The following DACH2 variants were observed in gnomAD, a reference collection of about 807,000 sequenced individuals.
DACH2 encodes the protein dachshund family transcription factor 2.
A neutral mutation model predicts 35.8 loss-of-function variants in DACH2; 17 were observed. The ratio of observed to expected loss-of-function variants is 0.48; its 90% CI spans 0.33 to 0.71. DACH2 has a LOEUF of 0.71. Among genes scored for constraint, DACH2 ranks in the 30% least tolerant of loss-of-function variants. DACH2 has a pLI of 0.02. For synonymous variants in DACH2, 195 were observed against 177.3 expected (o/e 1.10, Z -0.79); for missense variants, 469 against 472.7 (o/e 0.99, Z 0.07).
chrX:86,591,528 C>T (rs2039645493), intron 3 of DACH2, among the ~76,000 whole-genome samples: 1 of 98,941 alleles, frequency 1.0e-5, no homozygotes, highest in African/African-American at 4.0e-5. Context: ...GGTGTCTACT[C>T]AGTTCTTTGG....
chrX:86,683,160 TA>T (rs2040901763), intron 4 of DACH2, among the ~76,000 whole-genome samples: 1 of 111,901 alleles, frequency 8.9e-6, no homozygotes, highest in African/African-American at 3.2e-5. Flanking sequence ...TTTTATCTTG[TA>T]TTCAGTTTAC....
At chrX:86,363,252 G>A (rs2035762781) in intron 1 of DACH2, among the ~76,000 whole-genome samples, 1 of 110,908 alleles carries the variant, frequency 9.0e-6, no homozygotes, top group Non-Finnish European at 1.9e-5. Context: ...TGAGATTTTT[G>A]TAAAGTTTTT....
chrX:86,171,855 C>A (rs2147873748), intron 1 of DACH2, among the ~76,000 whole-genome samples: 1 of 111,500 alleles, frequency 9.0e-6, no homozygotes, highest in African/African-American at 3.3e-5. Flanking sequence ...GGTTTTTTTT[C>A]TGTGTAGATA....
At chrX:86,267,991 G>C (rs1413353741) in intron 1 of DACH2, among the ~76,000 whole-genome samples, 3 of 112,019 alleles carry the variant, frequency 2.7e-5, no homozygotes, top group Non-Finnish European at 5.6e-5. Flanking sequence ...GACACTATGT[G>C]CTAATTGTTT....
chrX:86,241,488 A>T (rs756477998), intron 1 of DACH2, among the ~76,000 whole-genome samples: 2 of 111,954 alleles, frequency 1.8e-5, no homozygotes, highest in East Asian at 5.6e-4. Context: ...TTGTAATGAG[A>T]TTGTCTGAAA....
intron 1 of DACH2, among the ~76,000 whole-genome samples, chrX:86,292,063 T>G (rs1407560545): frequency 1.8e-5 from 1 of 55,440 alleles, no homozygotes; most frequent in Non-Finnish European, 3.0e-5. Context: ...CCTGGACTAT[T>G]TTTGGTTGGT....
At chrX:86,584,971 G>T (rs999508570) in intron 3 of DACH2, among the ~76,000 whole-genome samples, 3 of 111,112 alleles carry the variant, frequency 2.7e-5, no homozygotes, top group South Asian at 3.8e-4. Flanking sequence ...TCATGGCAAA[G>T]AACATGATTT....
intron 2 of DACH2, among the ~76,000 whole-genome samples, chrX:86,444,991 T>G (rs1389754244): frequency 9.0e-6 from 1 of 110,951 alleles, no homozygotes; most frequent in Non-Finnish European, 1.9e-5. Flanking sequence ...TAAAAAGTAT[T>G]GAAATTATGG....
At chrX:86,568,340 C>A (rs1447227699) in intron 3 of DACH2, among the ~76,000 whole-genome samples, 4 of 111,036 alleles carry the variant, frequency 3.6e-5, no homozygotes, top group Non-Finnish European at 7.6e-5. Flanking sequence ...ACAAATGCAC[C>A]ACTCTGGTGT....
chrX:86,404,915 C>T (rs867998836), intron 2 of DACH2, among the ~76,000 whole-genome samples: 1 of 112,297 alleles, frequency 8.9e-6, no homozygotes, highest in Non-Finnish European at 1.9e-5. Flanking sequence ...TCTGCACATC[C>T]ATAGGCTCAA....
rs145076542 is a variant in DACH2 at position 86,574,391 on chromosome X, C to G, written c.640+60000C>G. On this transcript the variant is annotated intron_variant, in intron 3 of 11. Coordinates refer to ENST00000373125, the MANE Select transcript of DACH2 (RefSeq NM_053281.3). ...CTGTGGTGACATTTAATTGGTGAAG[C>G]CTGCCTGACCCTCCATTATTATTAC... Among the ~76,000 whole-genome samples, 1,009 of 111,184 alleles carry G rather than the reference C, an allele frequency of 9.1e-3. 18 individuals carry two copies. Among genetic ancestry groups the G allele is most frequent in the African/African-American group, 0.032 (966 of 30,655 alleles).
chrX:86,390,530 G>A (rs893252902), intron 2 of DACH2, among the ~76,000 whole-genome samples: 1 of 111,265 alleles, frequency 9.0e-6, no homozygotes, highest in Non-Finnish European at 1.9e-5. Context: ...GGTAGGCTGA[G>A]GAGTAAAATG....
chrX:86,187,004 T>C (rs1602265708), intron 1 of DACH2, among the ~76,000 whole-genome samples: 2 of 112,077 alleles, frequency 1.8e-5, no homozygotes. Context: ...GGGAATTTAT[T>C]TACTTTGAGT....
intron 2 of DACH2, among the ~76,000 whole-genome samples, chrX:86,462,000 T>C (rs905612522): frequency 9.0e-6 from 1 of 111,350 alleles, no homozygotes. Flanking sequence ...TTTTGGAATG[T>C]ATCAGCAGAA....
intron 1 of DACH2, among the ~76,000 whole-genome samples, chrX:86,354,848 GAAAA>G (rs1200395225): frequency 1.4e-4 from 2 of 14,257 alleles, no homozygotes; most frequent in South Asian, 9.0e-3. Flanking sequence ...AAAAATAAAT[GAAAA>G]AAAAAAACAA....
chrX:86,275,035 C>A (rs1001285927), intron 1 of DACH2, among the ~76,000 whole-genome samples: 13 of 111,712 alleles, frequency 1.2e-4, no homozygotes, highest in Non-Finnish European at 2.3e-4. Flanking sequence ...AGACACTTGA[C>A]TTTTGCACAT....
intron 11 of DACH2, chrX:86,830,504 G>A (rs1344016997): frequency 4.5e-5 from 5 of 111,257 alleles, no homozygotes; most frequent in Non-Finnish European, 9.5e-5. Context: ...TTCCTAATAG[G>A]CCTTGTAAGC....
At chrX:86,788,607 C>T (rs747659723) in intron 7 of DACH2, among the ~76,000 whole-genome samples, 1 of 112,041 alleles carries the variant, frequency 8.9e-6, no homozygotes, top group South Asian at 3.7e-4. Context: ...TTTATTTTGA[C>T]TGATAATAGC....
chrX:86,270,041 T>TA lies in DACH2; in HGVS notation c.489-106783_489-106782insA, dbSNP rs1569323106. 1.3e-3 allele frequency among the ~76,000 whole-genome samples: 109 copies of TA among 84,909 alleles called. No individual in the cohort carries two copies. The South Asian group carries it at 0.016, about 13-fold the overall frequency. 73.7% of individuals were successfully genotyped at this position (84,909 alleles called of 115,157 possible). ...ATATATATTATATATATATATATAT[T>TA]TTTTTTTTTTCCTAAAGAGTTTACC... On this transcript the variant is annotated intron_variant, in intron 1 of 11. Transcript: ENST00000373125.
Sources: gnomAD v4.1 joint callset for allele counts (sites outside exome capture counted in the v4.1 genomes callset) on GRCh38, gnomAD v4.1.1 for gene constraint, MANE v1.5 for transcripts, NCBI Gene and HGNC (gene_info 2026-07-23, HGNC 2026-07-21) for gene names.